The following MROH1 variants were observed in gnomAD, a reference collection of about 807,000 sequenced individuals.
MROH1 encodes maestro heat-like repeat-containing protein family member 1.
A neutral mutation model predicts 116.5 loss-of-function variants in MROH1; 117 were observed. The ratio of observed to expected loss-of-function variants is 1.00; its 90% confidence interval spans 0.86 to 1.17. The LOEUF is 1.17. Among genes scored for constraint, MROH1 ranks in the 50% most tolerant of loss-of-function variants. MROH1 has a pLI of 0.00. For synonymous variants in MROH1, 921 were observed against 583.9 expected (o/e 1.58, Z -8.32); for missense variants, 1,873 against 1,338.5 (o/e 1.40, Z -6.23).
chr8:144,237,349 G>A (rs984554775), intron 14 of MROH1, among the ~76,000 whole-genome samples: 13 of 152,204 alleles, frequency 8.5e-5, no homozygotes, highest in East Asian at 3.8e-4. Flanking sequence ...CCCTTCGAGC[G>A]CGCAGGCCCC....
rs1218874608 is a variant in MROH1, at chr8:144,212,938, A to G, written c.1142-7662A>G. 11 of 734,456 alleles carry G rather than the reference A, an allele frequency of 1.5e-5. No individual in the cohort carries two copies. The East Asian group carries it at 2.5e-4, about 17-fold the overall frequency. 45.5% of individuals were successfully genotyped at this position (734,456 alleles called of 1,614,324 possible). Reference sequence around the variant, plus strand: ...TCTGTTCTCAGGAATCCAGTTCTCAAGGTTAATAGAATTGGACTATCCCAT... The same window carrying G: ...TCTGTTCTCAGGAATCCAGTTCTCAGGGTTAATAGAATTGGACTATCCCAT... On this transcript the variant is annotated intron_variant, in intron 12 of 43. Transcript: ENST00000326134.
chr8:144,242,146 T>C, intron 22 of MROH1: 1 of 629,966 alleles, frequency 1.6e-6, no homozygotes, highest in Non-Finnish European at 2.9e-6. Flanking sequence ...CGGTACCCAG[T>C]GGGCCCATGC....
chr8:144,259,705 C>T (rs1206676753), intron 37 of MROH1, among the ~76,000 whole-genome samples: 1 of 152,232 alleles, frequency 6.6e-6, no homozygotes, highest in Non-Finnish European at 1.5e-5. Context: ...TGCCCAAGGC[C>T]GTGCAGCAGA....
intron 33 of MROH1, 44 bp from the exon 34 acceptor site, chr8:144,254,769 C>G: frequency 2.7e-6 from 2 of 742,706 alleles, no homozygotes; most frequent in South Asian, 1.4e-5. Flanking sequence ...GGCAGGCGCC[C>G]TGACCAGCCA....
In MROH1 at chr8:144,180,232, A is replaced by G. The variant is rs1327239472; in HGVS notation, c.355A>G (p.Arg119Gly). 3 of 1,613,322 alleles carry G rather than the reference A, an allele frequency of 1.9e-6. No individual in the cohort carries two copies. Among genetic ancestry groups the G allele is most frequent in the Non-Finnish European group, 2.5e-6 (3 of 1,179,826 alleles). ...GAGTGGCGTCCTGGTGGCCGTGGGA[A>G]GACAGTTCATCAGCAAGGTGATGGA... ...AASGVLVAVG[R>G]QFISKVMEEL... The change falls in exon 6 of 44, where the codon AGA becomes GGA. Residue 119 changes from arginine to glycine, a missense_variant. Coordinates refer to ENST00000326134, the MANE Select transcript of MROH1 (RefSeq NM_032450.3). This position sits in a 1 kb window ranked among gnomAD's most constrained non-coding sequence, Gnocchi z 7.4.
intron 7 of MROH1, among the ~76,000 whole-genome samples, chr8:144,185,552 C>T (rs1201642230): frequency 1.6e-4 from 12 of 76,956 alleles, no homozygotes; most frequent in African/African-American, 5.6e-4. Flanking sequence ...GCATGGGGAC[C>T]GTGAGAGGGG....
At chr8:144,250,802 G>A (rs1433275516) in intron 33 of MROH1, 10 of 347,458 alleles carry the variant, frequency 2.9e-5, no homozygotes, top group Non-Finnish European at 5.6e-5. Context: ...TGCCTGATCT[G>A]AGCCCCCTCA....
intron 12 of MROH1, among the ~76,000 whole-genome samples, chr8:144,216,241 G>C (rs1439539823): frequency 6.6e-6 from 1 of 151,962 alleles, no homozygotes; most frequent in Non-Finnish European, 1.5e-5. Flanking sequence ...TTTGGAGGCT[G>C]AGGTGGGCAG....
At chr8:144,246,998 C>A (rs888432794) in intron 29 of MROH1, among the ~76,000 whole-genome samples, 3 of 152,374 alleles carry the variant, frequency 2.0e-5, no homozygotes, top group Middle Eastern at 3.4e-3. Context: ...CGTCTGCCTG[C>A]ACACGCCTGC....
chr8:144,257,670 A>G (rs1844149156), intron 35 of MROH1, among the ~76,000 whole-genome samples: 2 of 152,270 alleles, frequency 1.3e-5, no homozygotes, highest in South Asian at 4.1e-4. Flanking sequence ...TGGCGGGGCC[A>G]CTTGTTCCCT....
intron 1 of MROH1, among the ~76,000 whole-genome samples, chr8:144,149,743 A>G (rs1469057085): frequency 1.3e-5 from 2 of 152,048 alleles, no homozygotes; most frequent in Non-Finnish European, 2.9e-5. Context: ...GAGAACATGG[A>G]CTGCTGCCCA....
At chr8:144,191,916 G>A (rs1191358377) in intron 9 of MROH1, 61 bp downstream of exon 9, 1 of 1,598,304 alleles carries the variant, frequency 6.3e-7, no homozygotes, top group African/African-American at 1.3e-5. Flanking sequence ...ACTCCCCGGG[G>A]GTGGCCGTGA....
chr8:144,165,504 A>G (rs1276543873), intron 3 of MROH1, among the ~76,000 whole-genome samples: 1 of 152,188 alleles, frequency 6.6e-6, no homozygotes, highest in African/African-American at 2.4e-5. Context: ...GCTTGCCTTC[A>G]AATGATCCTC....
intron 3 of MROH1, among the ~76,000 whole-genome samples, chr8:144,165,091 T>G (rs549363217): frequency 1.3e-5 from 2 of 151,584 alleles, no homozygotes; most frequent in African/African-American, 4.8e-5. Flanking sequence ...CCCAAGTAGC[T>G]GAGATTACAG....
At chr8:144,218,006 G>A (rs1336315316) in intron 12 of MROH1, among the ~76,000 whole-genome samples, 1 of 150,116 alleles carries the variant, frequency 6.7e-6, no homozygotes, top group Admixed American at 6.6e-5. Context: ...CTGCGTTAGT[G>A]GCCCAGGATC....
At chr8:144,199,445 C>T (rs1830623026) in intron 11 of MROH1, among the ~76,000 whole-genome samples, 1 of 152,138 alleles carries the variant, frequency 6.6e-6, no homozygotes, top group South Asian at 2.1e-4. Flanking sequence ...TCCTTGGGGG[C>T]CTCCACTCAC....
intron 4 of MROH1, among the ~76,000 whole-genome samples, chr8:144,168,904 C>T (rs1242035223): frequency 6.6e-6 from 1 of 152,248 alleles, no homozygotes. Context: ...CCAGGAGGGG[C>T]CAGGGCCTTG....
chr8:144,241,710 C>T lies in MROH1; in HGVS notation c.2178+193C>T, dbSNP rs895799844. ...TGGGGAGGGCGGCAGAATGGCCTCC[C>T]GGAGGCAAACGTAGCTGTGGCCAGG... On this transcript the variant is annotated intron_variant, in intron 22 of 43. Transcript: ENST00000326134. Among the ~76,000 whole-genome samples the T allele has an allele frequency of 1.1e-3, 168 of 152,332 alleles. 2 individuals carry two copies. In the Middle Eastern group the frequency reaches 0.02, roughly 19 times the overall value.
intron 29 of MROH1, among the ~76,000 whole-genome samples, chr8:144,246,779 G>A (rs1489730785): frequency 2.0e-5 from 3 of 152,204 alleles, no homozygotes; most frequent in African/African-American, 4.8e-5. Flanking sequence ...GGACAGGTGC[G>A]TCTGCCAGGG....
Sources: gnomAD v4.1 joint callset for allele counts (sites outside exome capture counted in the v4.1 genomes callset) on GRCh38, gnomAD v4.1.1 for gene constraint, Gnocchi (gnomAD v3.1) non-coding constraint, MANE v1.5 for transcripts, NCBI Gene and HGNC (gene_info 2026-07-23, HGNC 2026-07-21) for gene names.